The following ZFAND4 variants were observed in gnomAD, a reference collection of about 807,000 sequenced individuals.
ZFAND4 encodes AN1-type zinc finger protein 4.
In ZFAND4, 43 loss-of-function variants were observed where a neutral mutation model predicts 64.4. The observed-to-expected ratio is 0.67, with a 90% CI of 0.52 to 0.86. The LOEUF (loss-of-function observed/expected upper bound fraction) is 0.86. Among genes scored for constraint, ZFAND4 ranks in the 40% least tolerant of loss-of-function variants. The pLI, the probability that ZFAND4 is intolerant of heterozygous loss-of-function variation, is 0.00. For missense variants in ZFAND4, 929 were observed against 859.8 expected, an observed-to-expected ratio of 1.08 and a Z score of -1.01; for synonymous variants, 296 against 305.7, an observed-to-expected ratio of 0.97 and a Z score of 0.33.
At position 45,626,905 on chromosome 10, in the gene ZFAND4, C is replaced by T; in HGVS notation, c.918G>A (p.Glu306=). 3 of 1,614,226 alleles carry T rather than the reference C, an allele frequency of 1.9e-6. No homozygotes were observed. Among genetic ancestry groups the T allele is most frequent in the Non-Finnish European group, 2.5e-6 (3 of 1,180,040 alleles). Residue 306 remains glutamate (E), a synonymous_variant, in exon 7 of 10, where the codon GAG becomes GAA. Transcript: ENST00000344646. The part of the protein sequence containing the change: ...ISSLATQLSA[E]RYISSITGEF... ...CACCAGTGATAGAAGATATGTATCT[C>T]TCAGCAGAGAGTTGAGTTGCCAAAC... is the stretch of plus-strand genomic sequence containing the variant.
intron 5 of ZFAND4, among the ~76,000 whole-genome samples, chr10:45,641,029 C>T (rs959515632): frequency 3.9e-5 from 6 of 152,136 alleles, no homozygotes; most frequent in Admixed American, 2.6e-4. Context: ...ATGTATCACA[C>T]GATCCTCATA....
At chr10:45,649,951 A>C (rs943376665) in intron 4 of ZFAND4, among the ~76,000 whole-genome samples, 7 of 152,252 alleles carry the variant, frequency 4.6e-5, no homozygotes, top group African/African-American at 1.7e-4. Context: ...GTATGTGTGG[A>C]TCTTCTCATA....
chr10:45,621,084 A>G (rs2045389248), intron 8 of ZFAND4, among the ~76,000 whole-genome samples: 1 of 152,230 alleles, frequency 6.6e-6, no homozygotes, highest in Non-Finnish European at 1.5e-5. Flanking sequence ...GACCCAACAG[A>G]AAGGCAGCAA....
chr10:45,655,933 T>C (rs1469912146), intron 2 of ZFAND4, among the ~76,000 whole-genome samples: 1 of 152,186 alleles, frequency 6.6e-6, no homozygotes, highest in Non-Finnish European at 1.5e-5. Context: ...CTACCAGACA[T>C]TCAATGAATT....
intron 6 of ZFAND4, among the ~76,000 whole-genome samples, chr10:45,627,665 G>T (rs938109719): frequency 6.6e-6 from 1 of 152,136 alleles, no homozygotes; most frequent in African/African-American, 2.4e-5. Context: ...CAATAATACA[G>T]TTCATGATGA....
intron 6 of ZFAND4, among the ~76,000 whole-genome samples, chr10:45,634,349 C>T (rs1036581197): frequency 6.6e-6 from 1 of 151,766 alleles, no homozygotes. Flanking sequence ...ATGGTGAAAC[C>T]CCATCTCTAT....
chr10:45,618,626 T>C (rs552551524), intron 8 of ZFAND4, among the ~76,000 whole-genome samples: 17 of 152,318 alleles, frequency 1.1e-4, no homozygotes, highest in Admixed American at 9.1e-4. Context: ...GAGAACATGA[T>C]TGCAATATAA....
intron 8 of ZFAND4, among the ~76,000 whole-genome samples, chr10:45,623,493 AT>A: frequency 6.6e-6 from 1 of 152,326 alleles, no homozygotes; most frequent in South Asian, 2.1e-4. Context: ...TTTCTGATAT[AT>A]GCTACTACAT....
At chr10:45,634,008 T>C (rs762626143) in intron 6 of ZFAND4, among the ~76,000 whole-genome samples, 9 of 152,326 alleles carry the variant, frequency 5.9e-5, no homozygotes, top group Admixed American at 2.0e-4. Context: ...AATATGAATA[T>C]AGATGACATA....
chr10:45,668,310 T>A (rs551932336), intron 1 of ZFAND4, among the ~76,000 whole-genome samples: 16 of 152,272 alleles, frequency 1.1e-4, no homozygotes, highest in South Asian at 6.2e-4. Context: ...AGAAATAAAA[T>A]CCTTTACAGA....
chr10:45,649,762 T>TTACA (rs1223523737), intron 4 of ZFAND4: 11 of 152,242 alleles, frequency 7.2e-5, no homozygotes, highest in African/African-American at 2.4e-4. Context: ...ACTTTCCATA[T>TTACA]TACATCAAGA....
chr10:45,632,745 G>A (rs1223185738), intron 6 of ZFAND4, among the ~76,000 whole-genome samples: 2 of 152,178 alleles, frequency 1.3e-5, no homozygotes, highest in South Asian at 2.1e-4. Flanking sequence ...GAAACTGTAA[G>A]TATAACAAAA....
Position 45,616,393 on chromosome 10 carries a change from A to T in ZFAND4, c.*43T>A, listed in dbSNP as rs781421332. ...TCTAAACAACATTTCTTCTGTCATT[A>T]TAATACGAATCCCGGGCAGAACAGT... On this transcript the variant is annotated 3_prime_UTR_variant, in exon 10 of 10. Transcript: ENST00000344646. 1 of 1,602,822 alleles carries T rather than the reference A, an allele frequency of 6.2e-7. No homozygotes were observed. The highest frequency in any genetic ancestry group is 1.3e-5 in the African/African-American group (1 of 74,280).
At chr10:45,642,996 C>T (rs2047125250) in intron 5 of ZFAND4, among the ~76,000 whole-genome samples, 2 of 147,858 alleles carry the variant, frequency 1.4e-5, no homozygotes, top group South Asian at 4.3e-4. Flanking sequence ...CGGCTCACCG[C>T]AACCTCCACC....
chr10:45,625,911 A>C, intron 7 of ZFAND4, 40 bp downstream of exon 7: 1 of 1,563,922 alleles, frequency 6.4e-7, no homozygotes, highest in Non-Finnish European at 8.7e-7. Flanking sequence ...GAATCACTAC[A>C]AGGATAACTA....
chr10:45,663,115 T>TAA lies in ZFAND4; in HGVS notation c.184+425_184+426dup, dbSNP rs544625363. Among the ~76,000 whole-genome samples the TAA allele has an allele frequency of 2.3e-3, 302 of 130,214 alleles. 2 individuals carry two copies. Among genetic ancestry groups the TAA allele is most frequent in the African/African-American group, 8.1e-3 (287 of 35,638 alleles). The allele number at this position is 130,214 out of a possible 152,430, so 85.4% of individuals were successfully genotyped here. A position where few individuals can be genotyped will look rare whatever the true frequency, so the allele number is the denominator to read the frequency against. On this transcript the variant is annotated intron_variant, in intron 2 of 9. Coordinates refer to ENST00000344646, the MANE Select transcript of ZFAND4 (RefSeq NM_174890.4). ...GACTCTTTTCGGAAAACCTCCACAT[T>TAA]AAAAAAAAAAAAAAGGAGGGTGGTT...
At chr10:45,627,674 G>C (rs2045931374) in intron 6 of ZFAND4, among the ~76,000 whole-genome samples, 1 of 152,142 alleles carries the variant, frequency 6.6e-6, no homozygotes, top group Non-Finnish European at 1.5e-5. Context: ...AGTTCATGAT[G>C]AACACTTGCT....
intron 8 of ZFAND4, among the ~76,000 whole-genome samples, chr10:45,618,470 T>C (rs1425905497): frequency 6.6e-6 from 1 of 152,248 alleles, no homozygotes; most frequent in East Asian, 1.9e-4. Flanking sequence ...AGGTTTCTAC[T>C]GATTAGCACT....
At chr10:45,635,070 C>A (rs187879775) in intron 6 of ZFAND4, among the ~76,000 whole-genome samples, 1 of 151,286 alleles carries the variant, frequency 6.6e-6, no homozygotes, top group African/African-American at 2.4e-5. Context: ...TACTGCCCAA[C>A]GCAATCTACA....
Sources: allele counts gnomAD v4.1 joint callset (sites outside exome capture counted in the v4.1 genomes callset), GRCh38; gene constraint gnomAD v4.1.1; transcripts MANE v1.5; gene names NCBI Gene and HGNC (gene_info 2026-07-23, HGNC 2026-07-21).